CNTN4: variants seen among roughly 807,000 people sequenced by gnomAD.
CNTN4 encodes the protein contactin 4.
CNTN4 carries 77 observed loss-of-function variants against 122.5 expected under a neutral mutation model. The ratio of observed to expected loss-of-function variants is 0.63; its 90% confidence interval spans 0.52 to 0.76. The LOEUF is 0.76. CNTN4 is among the 30% of genes least tolerant of loss of function. The pLI is 0.00. For synonymous variants in CNTN4, 512 were observed against 447.0 expected (o/e 1.15, Z -1.83); for missense variants, 1,256 against 1,259.1 (o/e 1.00, Z 0.04).
chr3:2,160,695 T>G (rs970060583), intron 2 of CNTN4, among the ~76,000 whole-genome samples: 2 of 152,144 alleles, frequency 1.3e-5, no homozygotes, highest in Non-Finnish European at 2.9e-5. Context: ...AAAGAAAGGG[T>G]CCCTTAAACT....
chr3:2,776,274 CTTTTTTT>C (rs10575193), intron 6 of CNTN4, among the ~76,000 whole-genome samples: 20,115 of 134,128 alleles, frequency 0.15, 1,409 homozygotes, highest in African/African-American at 0.16. Context: ...ATAAGTGTTT[CTTTTTTT>C]TTTTTTTTTT....
intron 4 of CNTN4, among the ~76,000 whole-genome samples, chr3:2,683,156 A>G (rs1359891890): frequency 6.6e-6 from 1 of 152,198 alleles, no homozygotes; most frequent in Non-Finnish European, 1.5e-5. Flanking sequence ...GAAATGGAAT[A>G]GAAAGACGAT....
rs2150532732 is a variant in CNTN4 at position 2,842,615 on chromosome 3, C to G, written c.454+23034C>G. ...ACATCTTCTCTTTCACGGACTCTTA[C>G]CCTCAGTCCATTGGGACTTTTCCCC... On this transcript the variant is annotated intron_variant, in intron 7 of 24. Coordinates refer to ENST00000418658, the MANE Select transcript of CNTN4 (RefSeq NM_175607.3). Among the ~76,000 whole-genome samples the G allele has an allele frequency of 1.3e-5, 2 of 152,288 alleles. 1 individual carries two copies. Among genetic ancestry groups the G allele is most frequent in the South Asian group, 4.1e-4 (2 of 4,822 alleles).
chr3:2,927,326 G>C (rs1030811211), intron 13 of CNTN4: 2 of 455,950 alleles, frequency 4.4e-6, no homozygotes, highest in African/African-American at 4.0e-5. Context: ...TAGTGGCTCT[G>C]CTCCTCTCTA....
chr3:2,783,118 A>ATT (rs5846222), intron 6 of CNTN4, among the ~76,000 whole-genome samples: 1 of 145,750 alleles, frequency 6.9e-6, no homozygotes. Context: ...CTCTCTACTA[A>ATT]TTTTTTTTTT....
chr3:2,601,619 T>C (rs967932843), intron 4 of CNTN4, among the ~76,000 whole-genome samples: 4 of 152,174 alleles, frequency 2.6e-5, no homozygotes, highest in African/African-American at 9.7e-5. Flanking sequence ...CCTTGAAGTA[T>C]AGTTTGAAGT....
At chr3:2,535,778 C>A (rs531468565) in intron 3 of CNTN4, among the ~76,000 whole-genome samples, 1 of 151,966 alleles carries the variant, frequency 6.6e-6, no homozygotes, top group Admixed American at 6.6e-5. Flanking sequence ...AAGAGAAAAC[C>A]TTTTTTTGTC....
chr3:2,535,904 A>G (rs2149264325), intron 3 of CNTN4, among the ~76,000 whole-genome samples: 1 of 152,216 alleles, frequency 6.6e-6, no homozygotes, highest in East Asian at 1.9e-4. Flanking sequence ...GAAGTCTTTG[A>G]CAGTTTGGAA....
At chr3:3,055,722 G>T (rs1701722312) in intron 24 of CNTN4, among the ~76,000 whole-genome samples, 1 of 152,080 alleles carries the variant, frequency 6.6e-6, no homozygotes. Flanking sequence ...ATAATACCTG[G>T]CCTTCATCCA....
At chr3:2,919,160 A>G (rs1686891123) in intron 12 of CNTN4, among the ~76,000 whole-genome samples, 1 of 149,780 alleles carries the variant, frequency 6.7e-6, no homozygotes, top group African/African-American at 2.5e-5. Context: ...CCTGGCCAAG[A>G]TGGTGAAACC....
chr3:2,451,953 C>T (rs974159347), intron 3 of CNTN4, among the ~76,000 whole-genome samples: 3 of 152,154 alleles, frequency 2.0e-5, no homozygotes, highest in African/African-American at 4.8e-5. Flanking sequence ...TTACATAAAG[C>T]GTGCTCTTGA....
At chr3:2,716,465 A>C (rs1392421842) in intron 4 of CNTN4, among the ~76,000 whole-genome samples, 1 of 152,014 alleles carries the variant, frequency 6.6e-6, no homozygotes, top group Non-Finnish European at 1.5e-5. Flanking sequence ...AAATACTGTA[A>C]ACTGGGTAGT....
chr3:2,396,656 G>GT (rs752074730), intron 3 of CNTN4, among the ~76,000 whole-genome samples: 3,441 of 145,050 alleles, frequency 0.024, 59 homozygotes, highest in African/African-American at 0.042. Flanking sequence ...TTATGTCTGG[G>GT]TTTTTTTTTT....
At chr3:2,809,137 G>A (rs1312815229) in intron 6 of CNTN4, among the ~76,000 whole-genome samples, 1 of 152,224 alleles carries the variant, frequency 6.6e-6, no homozygotes, top group Non-Finnish European at 1.5e-5. Flanking sequence ...GTACACAAAT[G>A]AGAACCGTAG....
intron 4 of CNTN4, among the ~76,000 whole-genome samples, chr3:2,672,515 C>A: frequency 6.6e-6 from 1 of 152,178 alleles, no homozygotes; most frequent in East Asian, 1.9e-4. Context: ...CGTCTGTCAC[C>A]CCTTTCCTTG....
At chr3:2,265,224 G>A (rs1267172094) in intron 2 of CNTN4, among the ~76,000 whole-genome samples, 3 of 152,048 alleles carry the variant, frequency 2.0e-5, no homozygotes, top group Non-Finnish European at 4.4e-5. Context: ...GTATCCCATG[G>A]TGTATGTAAC....
chr3:2,471,723 A>G (rs2075691039), intron 3 of CNTN4, among the ~76,000 whole-genome samples: 1 of 152,216 alleles, frequency 6.6e-6, no homozygotes, highest in African/African-American at 2.4e-5. Flanking sequence ...GGGAAATTAA[A>G]AAAGCTCTCC....
At chr3:2,814,063 G>A (rs1424822768) in intron 6 of CNTN4, among the ~76,000 whole-genome samples, 4 of 152,050 alleles carry the variant, frequency 2.6e-5, no homozygotes, top group Non-Finnish European at 4.4e-5. Flanking sequence ...CATTCCATAG[G>A]AGAATAAAGG....
At chr3:2,412,436 G>A (rs1222031511) in intron 3 of CNTN4, among the ~76,000 whole-genome samples, 1 of 151,750 alleles carries the variant, frequency 6.6e-6, no homozygotes, top group African/African-American at 2.4e-5. Context: ...TATTGTTATT[G>A]GAGACGGGGT....
Sources: gnomAD v4.1 joint callset for allele counts (sites outside exome capture counted in the v4.1 genomes callset) on GRCh38, gnomAD v4.1.1 for gene constraint, MANE v1.5 for transcripts, NCBI Gene and HGNC (gene_info 2026-07-23, HGNC 2026-07-21) for gene names.